CSMD3: variants seen among roughly 807,000 people sequenced by gnomAD.
The protein encoded by CSMD3 is CUB and Sushi multiple domains 3.
CSMD3 carries 177 observed loss-of-function variants against 435.2 expected under a neutral mutation model. That is an observed-to-expected ratio of 0.41 (90% confidence interval 0.36 to 0.46). The LOEUF (loss-of-function observed/expected upper bound fraction) is 0.46. CSMD3 is among the 20% of genes least tolerant of loss of function. The pLI is 0.34. For synonymous variants in CSMD3, 1,656 were observed against 1,520.5 expected, an observed-to-expected ratio of 1.09 and a Z score of -2.07; for missense variants, 4,265 against 4,504.6, an observed-to-expected ratio of 0.95 and a Z score of 1.52.
chr8:112,279,051 A>ACAG (rs1476898535), intron 59 of CSMD3, among the ~76,000 whole-genome samples: 1 of 148,508 alleles, frequency 6.7e-6, no homozygotes, highest in East Asian at 2.0e-4. Context: ...AACAACAACA[A>ACAG]CAACAAAACA....
At chr8:113,099,729 A>G (rs1298938310) in intron 4 of CSMD3, among the ~76,000 whole-genome samples, 1 of 152,074 alleles carries the variant, frequency 6.6e-6, no homozygotes, top group African/African-American at 2.4e-5. Context: ...TGATGGTAGG[A>G]ACTAGCAGCG....
At chr8:112,395,579 A>G (rs1189484599) in intron 35 of CSMD3, among the ~76,000 whole-genome samples, 1 of 152,178 alleles carries the variant, frequency 6.6e-6, no homozygotes, top group Admixed American at 6.6e-5. Flanking sequence ...ACAGAACCAG[A>G]TAAGCATGAT....
At chr8:112,846,727 T>C (rs578089120) in intron 11 of CSMD3, among the ~76,000 whole-genome samples, 1 of 152,040 alleles carries the variant, frequency 6.6e-6, no homozygotes, top group Admixed American at 6.6e-5. Flanking sequence ...TTATTGATAT[T>C]TATTTATTTA....
intron 10 of CSMD3, among the ~76,000 whole-genome samples, chr8:112,871,570 A>G (rs2130053025): frequency 6.6e-6 from 1 of 152,248 alleles, no homozygotes; most frequent in African/African-American, 2.4e-5. Context: ...GTGCATAGCA[A>G]TTGTAGAGAA....
At chr8:112,867,493 G>A (rs1386100996) in intron 10 of CSMD3, among the ~76,000 whole-genome samples, 1 of 152,036 alleles carries the variant, frequency 6.6e-6, no homozygotes, top group Non-Finnish European at 1.5e-5. Context: ...ATCATAGAGT[G>A]TGCTTACTAC....
chr8:112,967,140 T>C (rs756517633), intron 7 of CSMD3, among the ~76,000 whole-genome samples: 3 of 150,032 alleles, frequency 2.0e-5, no homozygotes, highest in Non-Finnish European at 4.4e-5. Context: ...ATGTCCACAA[T>C]GAAATTTGAA....
chr8:112,454,603 G>A (rs893852668), intron 32 of CSMD3, among the ~76,000 whole-genome samples: 1 of 152,116 alleles, frequency 6.6e-6, no homozygotes, highest in Non-Finnish European at 1.5e-5. Flanking sequence ...ATATCGATGA[G>A]GCTGTTGAGA....
intron 13 of CSMD3, among the ~76,000 whole-genome samples, chr8:112,691,560 T>A (rs1426026042): frequency 6.6e-6 from 1 of 152,102 alleles, no homozygotes; most frequent in Non-Finnish European, 1.5e-5. Flanking sequence ...TATTGGCAAC[T>A]TATAAACATT....
intron 3 of CSMD3, among the ~76,000 whole-genome samples, chr8:113,254,587 G>A (rs150351047): frequency 1.6e-3 from 248 of 152,280 alleles, no homozygotes; most frequent in African/African-American, 5.8e-3. Context: ...CCTTAAGCTA[G>A]TCTAAGGCTA....
At chr8:113,263,561 C>T (rs183096524) in intron 3 of CSMD3, among the ~76,000 whole-genome samples, 1 of 151,770 alleles carries the variant, frequency 6.6e-6, no homozygotes, top group Non-Finnish European at 1.5e-5. Context: ...TTTGCAAGAA[C>T]TAAAATTATA....
At chr8:112,379,355 G>C (rs976926883) in intron 38 of CSMD3, among the ~76,000 whole-genome samples, 5 of 152,068 alleles carry the variant, frequency 3.3e-5, no homozygotes, top group African/African-American at 1.2e-4. Context: ...AGTAATCCCA[G>C]CTACTTGGGA....
chr8:112,302,300 A>T (rs1280848705), intron 52 of CSMD3, among the ~76,000 whole-genome samples: 1 of 151,094 alleles, frequency 6.6e-6, no homozygotes, highest in East Asian at 1.9e-4. Context: ...ATAATTCATT[A>T]ATCCAAAATC....
Position 112,682,560 on chromosome 8 carries a change from T to C in CSMD3, c.2559A>G (p.Gly853=). 1 of 1,613,716 alleles carries C rather than the reference T, an allele frequency of 6.2e-7. No homozygotes were observed. Among genetic ancestry groups the C allele is most frequent in the Non-Finnish European group, 8.5e-7 (1 of 1,179,668 alleles). Residue 853 remains glycine (G), a synonymous_variant, in exon 16 of 71, where the codon GGA becomes GGG. Transcript: ENST00000297405. ...CTTCACAAATAACTGAAATTGAACT[T>C]CCTAATTGAAAGTTGTCCCCAAACC... ...ARRFGDNFQL[G]SSISVICEEG... is the part of the protein sequence containing the mutation.
Position 112,385,365 on chromosome 8 carries a change from A to G in CSMD3, c.5935-1702T>C, listed in dbSNP as rs543843899. On this transcript the variant is annotated intron_variant, in intron 36 of 70. Coordinates refer to ENST00000297405, the MANE Select transcript of CSMD3 (RefSeq NM_198123.2). ...GCACCCTGCATGTAGTAAAGACTCA[A>G]TAAAGCTTAGCTAAGAGGAAGATCA... Among the ~76,000 whole-genome samples the G allele has an allele frequency of 3.2e-3, 495 of 152,324 alleles. 3 individuals carry two copies. Among genetic ancestry groups the G allele is most frequent in the African/African-American group, 0.011 (471 of 41,574 alleles).
chr8:112,682,381 G>A (rs1586958461), intron 16 of CSMD3, 61 bp downstream of exon 16: 1 of 1,203,146 alleles, frequency 8.3e-7, no homozygotes, highest in Middle Eastern at 2.8e-4. Context: ...TGTGTTTCTT[G>A]TTGTGGTTTC....
chr8:112,697,981 T>A (rs2076296801), intron 13 of CSMD3, among the ~76,000 whole-genome samples: 1 of 152,138 alleles, frequency 6.6e-6, no homozygotes, highest in African/African-American at 2.4e-5. Flanking sequence ...AAAGCCTTTT[T>A]CTTCCCTTTT....
chr8:112,526,168 A>G (rs1208689833), intron 27 of CSMD3, among the ~76,000 whole-genome samples: 1 of 151,752 alleles, frequency 6.6e-6, no homozygotes, highest in African/African-American at 2.4e-5. Flanking sequence ...CACTGTACTA[A>G]CTGAATATTT....
chr8:112,304,098 A>C (rs895853248), intron 52 of CSMD3, among the ~76,000 whole-genome samples: 1 of 152,168 alleles, frequency 6.6e-6, no homozygotes, highest in Admixed American at 6.6e-5. Context: ...AAACGCCTTA[A>C]CTGCTCAATT....
chr8:113,097,766 A>T (rs1469141191), intron 5 of CSMD3, among the ~76,000 whole-genome samples: 2 of 152,024 alleles, frequency 1.3e-5, no homozygotes, highest in African/African-American at 4.8e-5. Flanking sequence ...ACCTTTCCTC[A>T]ACAATTTCCA....
Sources: gnomAD v4.1 joint callset for allele counts (sites outside exome capture counted in the v4.1 genomes callset) on GRCh38, gnomAD v4.1.1 for gene constraint, MANE v1.5 for transcripts, NCBI Gene and HGNC (gene_info 2026-07-23, HGNC 2026-07-21) for gene names.